CCDC102B: variants seen among roughly 807,000 people sequenced by gnomAD.
The protein encoded by CCDC102B is coiled-coil domain containing 102B.
A neutral mutation model predicts 57.4 loss-of-function variants in CCDC102B; 75 were observed. That is an observed-to-expected ratio of 1.31 (90% confidence interval 1.08 to 1.58). The LOEUF (loss-of-function observed/expected upper bound fraction) is 1.58. Ranked by LOEUF, CCDC102B falls within the 40% of genes most tolerant of loss-of-function variation. CCDC102B has a pLI of 0.00. For synonymous variants in CCDC102B, 206 were observed against 201.9 expected (o/e 1.02, Z -0.17); for missense variants, 636 against 582.6 (o/e 1.09, Z -0.94).
chr18:68,910,923 G>GAAA (rs34251212), intron 6 of CCDC102B, among the ~76,000 whole-genome samples: 2 of 147,388 alleles, frequency 1.4e-5, no homozygotes. Context: ...TAAAAAGGGG[G>GAAA]AAAAAAAAAA....
intron 6 of CCDC102B, among the ~76,000 whole-genome samples, chr18:68,954,572 A>G (rs748288547): frequency 9.2e-5 from 14 of 152,346 alleles, no homozygotes; most frequent in Middle Eastern, 3.4e-3. Flanking sequence ...GAATGGATAT[A>G]AAAATGCTTC....
chr18:68,922,117 C>T (rs2041302585), intron 6 of CCDC102B, among the ~76,000 whole-genome samples: 2 of 152,058 alleles, frequency 1.3e-5, no homozygotes, highest in Admixed American at 6.6e-5. Flanking sequence ...ATTGAATAAG[C>T]CCCCAGAAGA....
chr18:68,718,526 A>G (rs1384521414), intron 2 of CCDC102B, among the ~76,000 whole-genome samples: 1 of 152,236 alleles, frequency 6.6e-6, no homozygotes, highest in Non-Finnish European at 1.5e-5. Context: ...GGTGCTGCTT[A>G]CAATGATACG....
At chr18:68,882,982 C>T (rs535684245) in intron 5 of CCDC102B, among the ~76,000 whole-genome samples, 10 of 152,100 alleles carry the variant, frequency 6.6e-5, no homozygotes, top group Admixed American at 3.3e-4. Flanking sequence ...ACTGGGTAGA[C>T]GGTGGAAAGA....
chr18:68,793,863 T>C (rs140210378), upstream of CCDC102B, among the ~76,000 whole-genome samples: 268 of 152,278 alleles, frequency 1.8e-3, 3 homozygotes, highest in East Asian at 0.039. Flanking sequence ...ACTTTTTCTA[T>C]TGGAATCAGG....
At chr18:68,819,564 C>G (rs950941809) in intron 1 of CCDC102B, among the ~76,000 whole-genome samples, 4 of 151,708 alleles carry the variant, frequency 2.6e-5, no homozygotes, top group Non-Finnish European at 5.9e-5. Flanking sequence ...TTGACTTTTT[C>G]TATTTTCAAA....
At chr18:68,850,181 C>T (rs1218850635) in intron 4 of CCDC102B, among the ~76,000 whole-genome samples, 2 of 152,072 alleles carry the variant, frequency 1.3e-5, no homozygotes, top group East Asian at 3.9e-4. Flanking sequence ...TATGTTACAT[C>T]GTATAGCCAT....
At chr18:68,793,575 AG>A (rs1332658355), upstream of CCDC102B, among the ~76,000 whole-genome samples, 1 of 150,382 alleles carries the variant, frequency 6.6e-6, no homozygotes, top group Non-Finnish European at 1.5e-5. Context: ...TATTTTCTTC[AG>A]TATGTTCATA....
chr18:68,901,219 C>A (rs890242887), intron 6 of CCDC102B, among the ~76,000 whole-genome samples: 1 of 152,104 alleles, frequency 6.6e-6, no homozygotes, highest in Admixed American at 6.5e-5. Flanking sequence ...CATCAACAAA[C>A]ACATGGGGAG....
chr18:68,716,212 A>G (rs1287731768), intron 1 of CCDC102B, among the ~76,000 whole-genome samples: 1 of 151,964 alleles, frequency 6.6e-6, no homozygotes, highest in Non-Finnish European at 1.5e-5. Context: ...CAGCTTTATA[A>G]TAGTACCATC....
At chr18:68,759,502 A>T (rs546588580) in intron 2 of CCDC102B, among the ~76,000 whole-genome samples, 3 of 152,196 alleles carry the variant, frequency 2.0e-5, no homozygotes, top group African/African-American at 7.2e-5. Context: ...AGGAACTGAG[A>T]TTAAGAATCA....
intron 7 of CCDC102B, among the ~76,000 whole-genome samples, chr18:69,019,140 TAAG>T (rs536111419): frequency 7.4e-4 from 112 of 152,242 alleles, no homozygotes; most frequent in African/African-American, 2.6e-3. Context: ...CAATTTTTAA[TAAG>T]AAGTGAAGAA....
At chr18:68,884,046 A>AC (rs1418695893) in intron 5 of CCDC102B, among the ~76,000 whole-genome samples, 1 of 152,212 alleles carries the variant, frequency 6.6e-6, no homozygotes, top group Non-Finnish European at 1.5e-5. Context: ...GGAAAAGGGA[A>AC]CACTCATACA....
In CCDC102B at chr18:68,907,006, T is replaced by C. The variant is rs74624704; in HGVS notation, c.1263+9578T>C. Among the ~76,000 whole-genome samples, 20 of 152,046 alleles carry C rather than the reference T, an allele frequency of 1.3e-4. No individual in the cohort carries two copies. In the East Asian group the frequency reaches 3.9e-3, roughly 29 times the overall value. ...TGTATATGTAAGAAAGAGGTCCACATTCATCATTTTCCATGTGAATATCCA... is the reference window on the plus strand; with the variant it reads ...TGTATATGTAAGAAAGAGGTCCACACTCATCATTTTCCATGTGAATATCCA... On this transcript the variant is annotated intron_variant, in intron 6 of 7. Coordinates refer to ENST00000360242, the MANE Select transcript of CCDC102B (RefSeq NM_024781.3).
chr18:68,907,514 G>T (rs2040692691), intron 6 of CCDC102B, among the ~76,000 whole-genome samples: 1 of 152,068 alleles, frequency 6.6e-6, no homozygotes, highest in South Asian at 2.1e-4. Flanking sequence ...TAACCTCCTT[G>T]GTTGAATTTA....
chr18:69,041,644 C>T (rs919718157), intron 7 of CCDC102B, among the ~76,000 whole-genome samples: 25 of 152,024 alleles, frequency 1.6e-4, no homozygotes, highest in African/African-American at 4.6e-4. Flanking sequence ...TTTCAGCTTA[C>T]ATATCTTTAT....
intron 6 of CCDC102B, among the ~76,000 whole-genome samples, chr18:68,911,485 G>T (rs780304520): frequency 5.3e-5 from 8 of 150,860 alleles, no homozygotes; most frequent in Non-Finnish European, 8.8e-5. Flanking sequence ...GGGCGCGGTG[G>T]CTCACGCCTG....
chr18:68,897,713 T>C (rs2040294367), intron 6 of CCDC102B: 1 of 1,111,274 alleles, frequency 9.0e-7, no homozygotes, highest in Non-Finnish European at 1.2e-6. Context: ...GTTTTTTGTT[T>C]CTTATTAAAG....
intron 5 of CCDC102B, among the ~76,000 whole-genome samples, chr18:68,879,740 G>A (rs916137476): frequency 6.7e-6 from 1 of 149,700 alleles, no homozygotes; most frequent in African/African-American, 2.5e-5. Context: ...GTTCTCCAAG[G>A]CCCCACCAGA....
Sources: allele counts gnomAD v4.1 joint callset (sites outside exome capture counted in the v4.1 genomes callset), GRCh38; gene constraint gnomAD v4.1.1; transcripts MANE v1.5; gene names NCBI Gene and HGNC (gene_info 2026-07-23, HGNC 2026-07-21).